The following L3MBTL4 variants were observed in gnomAD, a reference collection of about 807,000 sequenced individuals.
L3MBTL4 encodes the protein L3MBTL histone methyl-lysine binding protein 4, also known as lethal(3)malignant brain tumor-like protein 4.
In L3MBTL4, 70 loss-of-function variants were observed where a neutral mutation model predicts 84.5. The observed-to-expected ratio is 0.83, with a 90% confidence interval of 0.68 to 1.01. The LOEUF (loss-of-function observed/expected upper bound fraction) is 1.01, where lower values mean the gene tolerates loss of function less well. Among genes scored for constraint, L3MBTL4 ranks in the 50% least tolerant of loss-of-function variants. L3MBTL4 has a pLI of 0.00. For synonymous variants in L3MBTL4, 274 were observed against 259.8 expected (o/e 1.05, Z -0.52); for missense variants, 715 against 754.8 (o/e 0.95, Z 0.62).
At chr18:6,182,641 T>G (rs1352075104) in intron 12 of L3MBTL4, among the ~76,000 whole-genome samples, 5 of 152,234 alleles carry the variant, frequency 3.3e-5, no homozygotes, top group Non-Finnish European at 7.3e-5. Flanking sequence ...TAGTATTTCC[T>G]AGGTTGTCTT....
intron 12 of L3MBTL4, among the ~76,000 whole-genome samples, chr18:6,185,607 T>C (rs559207654): frequency 7.2e-5 from 11 of 152,064 alleles, no homozygotes; most frequent in Non-Finnish European, 1.6e-4. Flanking sequence ...CCAAACGTCA[T>C]AAACAGGCCT....
At chr18:6,268,426 T>A (rs569097437) in intron 4 of L3MBTL4, among the ~76,000 whole-genome samples, 7 of 152,096 alleles carry the variant, frequency 4.6e-5, no homozygotes, top group Admixed American at 4.6e-4. Flanking sequence ...AATTGTTTAA[T>A]GAATTAAAGG....
intron 1 of L3MBTL4, among the ~76,000 whole-genome samples, chr18:6,391,163 T>C (rs78956974): frequency 0.01 from 1,563 of 152,256 alleles, 24 homozygotes; most frequent in African/African-American, 0.035. Context: ...ATCCCAGGGA[T>C]GCAAGAATAT....
intron 16 of L3MBTL4, among the ~76,000 whole-genome samples, chr18:6,017,383 T>C (rs2055042213): frequency 6.6e-6 from 1 of 152,252 alleles, no homozygotes; most frequent in Non-Finnish European, 1.5e-5. Flanking sequence ...CTCTTGACAC[T>C]GACGCTGAGT....
chr18:6,401,688 G>C (rs1479046685), intron 1 of L3MBTL4, among the ~76,000 whole-genome samples: 2 of 152,200 alleles, frequency 1.3e-5, no homozygotes, highest in Non-Finnish European at 2.9e-5. Context: ...GAGTCAATAG[G>C]AAAAGTGCGC....
intron 16 of L3MBTL4, among the ~76,000 whole-genome samples, chr18:6,008,751 T>G (rs765202923): frequency 6.6e-6 from 1 of 152,184 alleles, no homozygotes; most frequent in Non-Finnish European, 1.5e-5. Flanking sequence ...GGATTTTGTA[T>G]AAATTCCTAA....
intron 10 of L3MBTL4, among the ~76,000 whole-genome samples, chr18:6,217,531 T>C (rs2046377594): frequency 1.3e-5 from 2 of 152,208 alleles, no homozygotes; most frequent in South Asian, 4.1e-4. Context: ...CTACTGATTG[T>C]GGTCATTTGG....
chr18:6,079,707 C>T (rs1472812081), intron 16 of L3MBTL4, among the ~76,000 whole-genome samples: 1 of 152,074 alleles, frequency 6.6e-6, no homozygotes, highest in African/African-American at 2.4e-5. Context: ...ACAACACTGG[C>T]ACTTTTTTTT....
At chr18:6,149,114 T>C (rs1021502805) in intron 13 of L3MBTL4, among the ~76,000 whole-genome samples, 6 of 151,994 alleles carry the variant, frequency 3.9e-5, no homozygotes, top group Admixed American at 6.6e-5. Context: ...TTGTTACATA[T>C]GTATACACGT....
intron 12 of L3MBTL4, among the ~76,000 whole-genome samples, chr18:6,177,223 C>A (rs911399819): frequency 2.0e-5 from 3 of 152,180 alleles, no homozygotes; most frequent in African/African-American, 7.2e-5. Flanking sequence ...ACCCAAATGC[C>A]CAACAGGTGA....
At chr18:6,225,334 A>T (rs959877092) in intron 10 of L3MBTL4, among the ~76,000 whole-genome samples, 1 of 152,270 alleles carries the variant, frequency 6.6e-6, no homozygotes, top group Admixed American at 6.5e-5. Context: ...CTAGCCTGTC[A>T]GTCTGGAATA....
intron 16 of L3MBTL4, among the ~76,000 whole-genome samples, chr18:6,025,766 T>C (rs2055472499): frequency 1.3e-5 from 2 of 152,188 alleles, no homozygotes; most frequent in South Asian, 2.1e-4. Flanking sequence ...ATCCCTCGCA[T>C]GTGCAGTTCA....
At chr18:6,171,792 T>C (rs1180437726) in intron 13 of L3MBTL4, 36 bp downstream of exon 13, 1 of 1,246,940 alleles carries the variant, frequency 8.0e-7, no homozygotes, top group Non-Finnish European at 1.1e-6. Context: ...TCAGGCCAAG[T>C]ATTTAAAAAG....
At chr18:6,195,526 G>A (rs962481132) in intron 12 of L3MBTL4, among the ~76,000 whole-genome samples, 3 of 152,200 alleles carry the variant, frequency 2.0e-5, no homozygotes, top group African/African-American at 4.8e-5. Flanking sequence ...AGATAGACTG[G>A]CATAAGTTAT....
intron 1 of L3MBTL4, among the ~76,000 whole-genome samples, chr18:6,343,501 A>G (rs180965234): frequency 3.9e-5 from 6 of 152,134 alleles, no homozygotes; most frequent in Admixed American, 2.0e-4. Context: ...GTCTCTACTA[A>G]AAATACAAAA....
intron 16 of L3MBTL4, among the ~76,000 whole-genome samples, chr18:5,976,842 G>C (rs1200817602): frequency 1.3e-5 from 2 of 152,118 alleles, no homozygotes; most frequent in Non-Finnish European, 2.9e-5. Context: ...TTCAGAGTTA[G>C]AGCCACTTTC....
At chr18:6,262,484 G>A (rs1023647511) in intron 5 of L3MBTL4, among the ~76,000 whole-genome samples, 1 of 152,144 alleles carries the variant, frequency 6.6e-6, no homozygotes, top group Non-Finnish European at 1.5e-5. Flanking sequence ...AAAGCAATGT[G>A]GGGAAACATG....
chr18:6,159,179 C>T (rs2144963647), intron 13 of L3MBTL4, among the ~76,000 whole-genome samples: 1 of 152,314 alleles, frequency 6.6e-6, no homozygotes, highest in East Asian at 1.9e-4. Context: ...GATACCATCC[C>T]TTGCTGGAAA....
chr18:6,320,775 A>G (rs1334882409), intron 1 of L3MBTL4, among the ~76,000 whole-genome samples: 1 of 152,148 alleles, frequency 6.6e-6, no homozygotes, highest in Non-Finnish European at 1.5e-5. Context: ...AAATGGGCCA[A>G]AATAACCAAA....
Sources: gnomAD v4.1 joint callset for allele counts (sites outside exome capture counted in the v4.1 genomes callset) on GRCh38, gnomAD v4.1.1 for gene constraint, MANE v1.5 for transcripts, NCBI Gene and HGNC (gene_info 2026-07-23, HGNC 2026-07-21) for gene names.